Variants in FLNB observed in about 807,000 individuals in gnomAD.
FLNB encodes the protein filamin-B.
In FLNB, 111 loss-of-function variants were observed where a neutral mutation model predicts 250.6. The ratio of observed to expected loss-of-function variants is 0.44; its 90% CI spans 0.38 to 0.52. FLNB has a LOEUF of 0.52. Ranked by LOEUF, FLNB falls within the 20% of genes least tolerant of loss-of-function variation. The pLI, the probability that FLNB is intolerant of heterozygous loss-of-function variation, is 0.00. For missense variants in FLNB, 2,869 were observed against 3,447.8 expected (o/e 0.83, Z 4.20); for synonymous variants, 1,302 against 1,372.1 (o/e 0.95, Z 1.13).
intron 28 of FLNB, among the ~76,000 whole-genome samples, chr3:58,136,884 T>G (rs1290431994): frequency 6.7e-6 from 1 of 150,238 alleles, no homozygotes; most frequent in Non-Finnish European, 1.5e-5. Flanking sequence ...CATGCCCGGC[T>G]AAGTTTTGTA....
chr3:58,081,571 C>G, intron 3 of FLNB, 58 bp from the exon 4 acceptor site: 1 of 1,556,590 alleles, frequency 6.4e-7, no homozygotes, highest in Non-Finnish European at 8.9e-7. Flanking sequence ...TTTGCAAACA[C>G]TTCAATAGTT....
rs376893941 is a variant in FLNB at position 58,111,829 on chromosome 3, T to G, written c.2523T>G (p.Pro841=). 2,146 of 1,614,158 alleles carry G rather than the reference T, an allele frequency of 1.3e-3. 48 individuals are homozygous for G. The South Asian group carries it at 0.023, about 17-fold the overall frequency. The change falls in exon 17 of 46, where the codon CCT becomes CCG. Residue 841 remains proline (P), a synonymous_variant. Transcript: ENST00000295956. ...GCCCTTTCAGAGTCAAAGTTGACCCTTCCCACGATGCCAGCAAAGTGAAGG... is the reference window on the plus strand; with the variant it reads ...GCCCTTTCAGAGTCAAAGTTGACCCGTCCCACGATGCCAGCAAAGTGAAGG... ...PASPFRVKVD[P]SHDASKVKAE... is the part of the protein sequence containing the mutation.
chr3:58,121,120 T>C (rs1576754189), intron 19 of FLNB, 121 bp from the exon 20 acceptor site: 2 of 1,251,846 alleles, frequency 1.6e-6, no homozygotes, highest in East Asian at 4.6e-5. Context: ...GCAGCAGCTG[T>C]TGCTTACAGT....
At chr3:58,018,327 CTTTTTTTTT>C (rs60851192) in intron 1 of FLNB, among the ~76,000 whole-genome samples, 2 of 63,242 alleles carry the variant, frequency 3.2e-5, no homozygotes, top group Non-Finnish European at 5.5e-5. Flanking sequence ...TATTCATTGA[CTTTTTTTTT>C]TTTTTTTTTT....
intron 1 of FLNB, among the ~76,000 whole-genome samples, chr3:58,076,332 G>A (rs986149293): frequency 6.6e-6 from 1 of 152,190 alleles, no homozygotes; most frequent in African/African-American, 2.4e-5. Flanking sequence ...ACACATGCAT[G>A]TATACACATA....
At position 58,104,100 on chromosome 3, in the gene FLNB, G is replaced by T; in HGVS notation, c.1610+15G>T. On this transcript the variant is annotated intron_variant, in intron 10 of 45. Coordinates refer to ENST00000295956, the MANE Select transcript of FLNB (RefSeq NM_001457.4). ...ATTCCAAAGAGGTGAGGCTCCTGCTGCAGAGGGGTCTTCTCTGGAGGGTGC... is the reference window on the plus strand; with the variant it reads ...ATTCCAAAGAGGTGAGGCTCCTGCTTCAGAGGGGTCTTCTCTGGAGGGTGC... 4.3e-6 allele frequency: 7 copies of T among 1,613,478 alleles called. No homozygotes were observed. The highest frequency in any genetic ancestry group is 5.1e-6 in the Non-Finnish European group (6 of 1,179,926).
chr3:58,032,891 G>T (rs1318807857), intron 1 of FLNB, among the ~76,000 whole-genome samples: 4 of 152,072 alleles, frequency 2.6e-5, no homozygotes, highest in Non-Finnish European at 4.4e-5. Context: ...AACATTGAGA[G>T]ATCCCCATCT....
chr3:58,108,391 T>C, intron 12 of FLNB, 67 bp from the exon 13 acceptor site: 1 of 1,010,020 alleles, frequency 9.9e-7, no homozygotes, highest in Non-Finnish European at 1.6e-6. Flanking sequence ...CCTGGTTACC[T>C]GTCTTTGTAT....
At chr3:58,041,729 G>T (rs942309629) in intron 1 of FLNB, among the ~76,000 whole-genome samples, 1 of 152,122 alleles carries the variant, frequency 6.6e-6, no homozygotes, top group African/African-American at 2.4e-5. Flanking sequence ...GGGTCACCTG[G>T]GTCATGTTTT....
intron 1 of FLNB, among the ~76,000 whole-genome samples, chr3:58,032,141 C>T (rs1211007557): frequency 1.3e-5 from 2 of 151,922 alleles, no homozygotes; most frequent in Non-Finnish European, 2.9e-5. Flanking sequence ...GACAGGGTTG[C>T]CCAGGCTGGT....
intron 1 of FLNB, among the ~76,000 whole-genome samples, chr3:58,029,558 G>A (rs2097127969): frequency 6.6e-6 from 1 of 151,038 alleles, no homozygotes; most frequent in Admixed American, 6.6e-5. Flanking sequence ...AGGCTGGAGT[G>A]CAATGGCTCG....
intron 1 of FLNB, among the ~76,000 whole-genome samples, chr3:58,069,685 C>T (rs75527220): frequency 0.067 from 10,143 of 152,158 alleles, 450 homozygotes; most frequent in Non-Finnish European, 0.1. Context: ...CTTTCTCAGA[C>T]GTGTCCTTCT....
At chr3:58,033,984 C>A (rs1165103615) in intron 1 of FLNB, among the ~76,000 whole-genome samples, 3 of 151,986 alleles carry the variant, frequency 2.0e-5, no homozygotes, top group Admixed American at 2.0e-4. Context: ...CCTCAGCCTT[C>A]TGAGTAGCTG....
chr3:58,110,574 C>T (rs2097266859), intron 16 of FLNB, among the ~76,000 whole-genome samples: 1 of 152,132 alleles, frequency 6.6e-6, no homozygotes. Flanking sequence ...CCTCAGCCTC[C>T]CAAGTAGCTG....
intron 43 of FLNB, among the ~76,000 whole-genome samples, chr3:58,167,644 C>T (rs888331484): frequency 1.3e-5 from 2 of 152,220 alleles, no homozygotes; most frequent in African/African-American, 4.8e-5. Context: ...GAGGCAGCTC[C>T]ACTGCCCATC....
intron 41 of FLNB, among the ~76,000 whole-genome samples, chr3:58,159,073 T>G (rs2097357516): frequency 6.6e-6 from 1 of 152,070 alleles, no homozygotes; most frequent in African/African-American, 2.4e-5. Flanking sequence ...TATGGAGTAC[T>G]GCCTTCTTTG....
chr3:58,120,970 A>G (rs947174546), intron 19 of FLNB, among the ~76,000 whole-genome samples: 1 of 152,202 alleles, frequency 6.6e-6, no homozygotes, highest in Non-Finnish European at 1.5e-5. Flanking sequence ...ACAATAACCT[A>G]TTTGTGCTTG....
At chr3:58,074,124 C>T (rs1008785552) in intron 1 of FLNB, among the ~76,000 whole-genome samples, 2 of 152,176 alleles carry the variant, frequency 1.3e-5, no homozygotes, top group East Asian at 1.9e-4. Flanking sequence ...GTAAAGGAGA[C>T]GACAAACAGA....
chr3:58,116,397 C>T lies in FLNB; in HGVS notation c.2746-2475C>T, dbSNP rs932057692. Among the ~76,000 whole-genome samples the T allele has an allele frequency of 8.5e-5, 13 of 152,154 alleles. No homozygotes were observed. In the South Asian group the frequency reaches 1.2e-3, roughly 15 times the overall value. On this transcript the variant is annotated intron_variant, in intron 18 of 45. Coordinates refer to ENST00000295956, the MANE Select transcript of FLNB (RefSeq NM_001457.4). ...TGGGTGTGTCCTGGCCTGGTGTGGGCGCTTCCCCCTCAGAACACAGGCTGT... is the reference window on the plus strand; with the variant it reads ...TGGGTGTGTCCTGGCCTGGTGTGGGTGCTTCCCCCTCAGAACACAGGCTGT...
Sources: allele counts gnomAD v4.1 joint callset (sites outside exome capture counted in the v4.1 genomes callset), GRCh38; gene constraint gnomAD v4.1.1; transcripts MANE v1.5; gene names NCBI Gene and HGNC (gene_info 2026-07-23, HGNC 2026-07-21).